Variants in FANCC observed in about 807,000 individuals in gnomAD.
FANCC encodes Fanconi anemia group C protein.
In FANCC, 55 loss-of-function variants were observed where a neutral mutation model predicts 71.3. That is an observed-to-expected ratio of 0.77 (90% confidence interval 0.62 to 0.97). The LOEUF is 0.97. Ranked by LOEUF, FANCC falls within the 50% of genes least tolerant of loss-of-function variation. FANCC has a pLI of 0.00. For missense variants in FANCC, 678 were observed against 670.9 expected (o/e 1.01, Z -0.12); for synonymous variants, 275 against 244.9 (o/e 1.12, Z -1.15).
chr9:95,227,466 G>A (rs1298959578), intron 4 of FANCC, among the ~76,000 whole-genome samples: 1 of 152,162 alleles, frequency 6.6e-6, no homozygotes, highest in East Asian at 1.9e-4. Flanking sequence ...CCTGCCTCTG[G>A]TATCTTATTC....
chr9:95,280,559 A>G (rs1315423343), intron 1 of FANCC, among the ~76,000 whole-genome samples: 1 of 152,240 alleles, frequency 6.6e-6, no homozygotes, highest in Non-Finnish European at 1.5e-5. Context: ...CATTAGTAAT[A>G]TAACAAATGT....
At chr9:95,111,081 C>A (rs2071876017) in intron 13 of FANCC, 8 of 1,512,234 alleles carry the variant, frequency 5.3e-6, no homozygotes, top group Non-Finnish European at 7.1e-6. Flanking sequence ...CGAGACAGGG[C>A]CCTGGCTGTG....
chr9:95,218,151 AATTAAAC>A (rs1828992834), intron 4 of FANCC, among the ~76,000 whole-genome samples: 1 of 152,234 alleles, frequency 6.6e-6, no homozygotes, highest in Admixed American at 6.5e-5. Context: ...TAGTGACTTC[AATTAAAC>A]ATTTAAGGAA....
chr9:95,180,339 C>CT (rs34697587), intron 4 of FANCC, among the ~76,000 whole-genome samples: 1,553 of 81,940 alleles, frequency 0.019, 15 homozygotes, highest in Middle Eastern at 0.031. Flanking sequence ...ACAGTTAACT[C>CT]TTTTTTTTTT....
At chr9:95,255,119 G>A (rs1831579981) in intron 1 of FANCC, among the ~76,000 whole-genome samples, 1 of 152,150 alleles carries the variant, frequency 6.6e-6, no homozygotes, top group Admixed American at 6.5e-5. Flanking sequence ...AGGGGTGGCT[G>A]TGGGCGCAGC....
At chr9:95,158,350 A>G (rs1251240072) in intron 6 of FANCC, among the ~76,000 whole-genome samples, 1 of 152,220 alleles carries the variant, frequency 6.6e-6, no homozygotes. Context: ...TTTTAGATCT[A>G]AAACCATCTT....
chr9:95,111,594 A>C lies in FANCC; in HGVS notation c.1198T>G (p.Phe400Val), dbSNP rs1480679034. 1 of 1,614,178 alleles carries C rather than the reference A, an allele frequency of 6.2e-7. No homozygotes were observed. Residue 400 changes from phenylalanine (F) to valine (V), a missense_variant, in exon 13 of 15, where the codon TTC becomes GTC. Physicochemically the swap from Phe to Val is conservative, Grantham distance 50. Transcript: ENST00000289081. Reference protein sequence around the residue: ...PFESWFLFIHFGGWAEMVAEQ... With the variant: ...PFESWFLFIHVGGWAEMVAEQ... ...GCCACCATCTCAGCCCATCCTCCGA[A>C]GTGAATGAACAGGAACCAGCTCTCA...
At chr9:95,149,272 A>T (rs1421213653) in intron 7 of FANCC, among the ~76,000 whole-genome samples, 1 of 152,126 alleles carries the variant, frequency 6.6e-6, no homozygotes, top group African/African-American at 2.4e-5. Context: ...AGGAAACAAT[A>T]GTCGCTGGGG....
At chr9:95,153,766 T>C (rs1830309794) in intron 6 of FANCC, among the ~76,000 whole-genome samples, 1 of 152,230 alleles carries the variant, frequency 6.6e-6, no homozygotes, top group Non-Finnish European at 1.5e-5. Context: ...GTTGGTTGTC[T>C]GTTTATTTCT....
chr9:95,193,665 G>A lies in FANCC; in HGVS notation c.346-21518C>T, dbSNP rs76404386. Among the ~76,000 whole-genome samples the A allele has an allele frequency of 3.7e-4, 56 of 152,270 alleles. 1 individual carries two copies. The East Asian group carries it at 0.01, about 27-fold the overall frequency. Reference sequence around the variant, plus strand: ...TTGGAAACTGAGATACTACAGGTTGGTGCAAAAGTAACTGCGGTTTTTGCC... The same window carrying A: ...TTGGAAACTGAGATACTACAGGTTGATGCAAAAGTAACTGCGGTTTTTGCC... On this transcript the variant is annotated intron_variant, in intron 4 of 14. Transcript: ENST00000289081.
chr9:95,278,288 G>C (rs1214249970), intron 1 of FANCC, among the ~76,000 whole-genome samples: 4 of 152,182 alleles, frequency 2.6e-5, no homozygotes, highest in Non-Finnish European at 5.9e-5. Flanking sequence ...ATGAAGGTTA[G>C]ACTTACAATT....
chr9:95,169,782 C>G (rs1588216334), intron 6 of FANCC, among the ~76,000 whole-genome samples: 1 of 152,336 alleles, frequency 6.6e-6, no homozygotes, highest in African/African-American at 2.4e-5. Context: ...AATGTCTCTA[C>G]TGGAAAATAA....
intron 4 of FANCC, among the ~76,000 whole-genome samples, 195 bp from the exon 5 acceptor site, chr9:95,172,342 G>T (rs1484074716): frequency 6.6e-6 from 1 of 152,114 alleles, no homozygotes; most frequent in Non-Finnish European, 1.5e-5. Context: ...ACATTAAAAA[G>T]AAGTCAATTT....
intron 1 of FANCC, among the ~76,000 whole-genome samples, chr9:95,313,767 T>C (rs145059982): frequency 2.0e-5 from 3 of 152,240 alleles, no homozygotes; most frequent in African/African-American, 7.2e-5. Flanking sequence ...ATAACATGAC[T>C]AAATGGGATT....
intron 7 of FANCC, among the ~76,000 whole-genome samples, chr9:95,146,730 G>A (rs1039784662): frequency 6.6e-5 from 10 of 151,896 alleles, no homozygotes; most frequent in Non-Finnish European, 1.3e-4. Context: ...ACTGCAGACA[G>A]AGCCACTCGT....
chr9:95,252,274 C>CAAAAAAAAAAAAAAAAA (rs71366284), intron 1 of FANCC, among the ~76,000 whole-genome samples: 10 of 50,154 alleles, frequency 2.0e-4, no homozygotes, highest in East Asian at 1.3e-3. Context: ...GAGACTGATT[C>CAAAAAAAAAAAAAAAAA]AAAAAAAAAA....
At chr9:95,297,138 C>T (rs1037093354) in intron 1 of FANCC, among the ~76,000 whole-genome samples, 2 of 152,108 alleles carry the variant, frequency 1.3e-5, no homozygotes, top group Non-Finnish European at 2.9e-5. Flanking sequence ...TGGGGGCTCA[C>T]CAGGGGAACA....
intron 1 of FANCC, chr9:95,294,160 G>A (rs918354944): frequency 2.4e-5 from 39 of 1,603,998 alleles, no homozygotes; most frequent in Admixed American, 5.0e-5. Flanking sequence ...TCAGACATTG[G>A]ATCATCATAG....
chr9:95,290,066 A>C (rs566025221), intron 1 of FANCC, among the ~76,000 whole-genome samples: 15 of 152,326 alleles, frequency 9.8e-5, no homozygotes, highest in African/African-American at 3.6e-4. Context: ...AACTCTAAAA[A>C]ACGTTTGGCA....
Sources: allele counts gnomAD v4.1 joint callset (sites outside exome capture counted in the v4.1 genomes callset), GRCh38; gene constraint gnomAD v4.1.1; transcripts MANE v1.5; gene names NCBI Gene and HGNC (gene_info 2026-07-23, HGNC 2026-07-21).